The following AUTS2 variants were observed in gnomAD, a reference collection of about 807,000 sequenced individuals.
AUTS2 encodes autism susceptibility gene 2 protein.
Under a neutral mutation model 112.4 loss-of-function variants are expected in AUTS2, and 17 were observed. The observed-to-expected ratio is 0.15, with a 90% confidence interval of 0.10 to 0.23. The LOEUF (loss-of-function observed/expected upper bound fraction) is 0.23, where lower values mean the gene tolerates loss of function less well. Among genes scored for constraint, AUTS2 ranks in the 10% least tolerant of loss-of-function variants. AUTS2 has a pLI of 1.00. For missense variants in AUTS2, 1,510 were observed against 1,701.6 expected (o/e 0.89, Z 1.98); for synonymous variants, 751 against 702.7 (o/e 1.07, Z -1.09).
In AUTS2 at chr7:70,118,112, C is replaced by T. The variant is rs575131675; in HGVS notation, c.523-20C>T. On this transcript the variant is annotated intron_variant, in intron 2 of 18. Transcript: ENST00000342771. ...CAGACCACTAACTTTTTCCTTTTTT[C>T]TCTTTTCTTTTGCCTTTAGCTCAAG... 253 of 1,571,622 alleles carry T rather than the reference C, an allele frequency of 1.6e-4. 1 individual carries two copies. Among genetic ancestry groups the T allele is most frequent in the Middle Eastern group, 1.2e-3 (7 of 5,814 alleles).
At chr7:70,568,056 A>G (rs1195669323) in intron 5 of AUTS2, among the ~76,000 whole-genome samples, 1 of 152,232 alleles carries the variant, frequency 6.6e-6, no homozygotes, top group Non-Finnish European at 1.5e-5. Flanking sequence ...TGTTGCAGAA[A>G]GAGTTTATTC....
chr7:70,361,719 C>T (rs895307954), intron 4 of AUTS2, among the ~76,000 whole-genome samples: 3 of 152,090 alleles, frequency 2.0e-5, no homozygotes, highest in Non-Finnish European at 4.4e-5. Context: ...TTGAATTGAG[C>T]CAATTCAGGG....
At chr7:70,714,433 A>G (rs1810241360) in intron 6 of AUTS2, among the ~76,000 whole-genome samples, 1 of 152,216 alleles carries the variant, frequency 6.6e-6, no homozygotes, top group Non-Finnish European at 1.5e-5. Flanking sequence ...ATTTCTTACA[A>G]AATCACATGT....
intron 5 of AUTS2, among the ~76,000 whole-genome samples, chr7:70,672,605 T>A (rs1471364893): frequency 6.8e-6 from 1 of 147,900 alleles, no homozygotes; most frequent in African/African-American, 2.6e-5. Context: ...TTTCTTTTTC[T>A]TTTTTTTTCT....
At chr7:70,395,229 T>C (rs1186276906) in intron 4 of AUTS2, among the ~76,000 whole-genome samples, 2 of 151,780 alleles carry the variant, frequency 1.3e-5, no homozygotes, top group African/African-American at 4.8e-5. Flanking sequence ...AGAACCATAG[T>C]GTTCCCCTAA....
At chr7:69,797,757 AAAAG>A (rs1789910277) in intron 1 of AUTS2, among the ~76,000 whole-genome samples, 1 of 149,842 alleles carries the variant, frequency 6.7e-6, no homozygotes, top group African/African-American at 2.4e-5. Flanking sequence ...AGATTTTAAA[AAAAG>A]AAACAGGGAG....
intron 1 of AUTS2, among the ~76,000 whole-genome samples, chr7:69,627,975 A>C (rs1794037542): frequency 6.6e-6 from 1 of 152,106 alleles, no homozygotes; most frequent in Admixed American, 6.5e-5. Context: ...CTTAGGGGAG[A>C]TTGCATTTGA....
chr7:70,220,667 G>T (rs1035515085), intron 4 of AUTS2, among the ~76,000 whole-genome samples: 1 of 152,198 alleles, frequency 6.6e-6, no homozygotes, highest in African/African-American at 2.4e-5. Flanking sequence ...ATATCAGCTG[G>T]ATCCTGAAGA....
intron 1 of AUTS2, among the ~76,000 whole-genome samples, chr7:69,691,790 A>G (rs1797357931): frequency 6.6e-6 from 1 of 152,104 alleles, no homozygotes; most frequent in Non-Finnish European, 1.5e-5. Context: ...CTGCTGCAGC[A>G]TGGGCCGCTG....
At chr7:69,685,217 G>A (rs1797008223) in intron 1 of AUTS2, among the ~76,000 whole-genome samples, 1 of 152,162 alleles carries the variant, frequency 6.6e-6, no homozygotes. Flanking sequence ...CTTGCTGGAG[G>A]CTTCCTCACC....
intron 1 of AUTS2, among the ~76,000 whole-genome samples, chr7:69,773,001 G>C (rs1466307853): frequency 6.6e-6 from 1 of 152,130 alleles, no homozygotes; most frequent in African/African-American, 2.4e-5. Flanking sequence ...GCTTTGCATT[G>C]TATAAAAGAG....
intron 1 of AUTS2, among the ~76,000 whole-genome samples, chr7:69,668,822 T>G (rs1454791988): frequency 6.6e-6 from 1 of 152,186 alleles, no homozygotes; most frequent in Non-Finnish European, 1.5e-5. Context: ...CTACTAAAAG[T>G]GAATTACTGT....
At chr7:69,853,442 A>G (rs1016510980) in intron 1 of AUTS2, among the ~76,000 whole-genome samples, 6 of 151,332 alleles carry the variant, frequency 4.0e-5, no homozygotes, top group African/African-American at 1.5e-4. Context: ...TCATGTAGGT[A>G]CTCCTGTTTT....
At chr7:70,076,025 A>G (rs1292987089) in intron 2 of AUTS2, among the ~76,000 whole-genome samples, 1 of 152,186 alleles carries the variant, frequency 6.6e-6, no homozygotes, top group Admixed American at 6.5e-5. Flanking sequence ...ATGGATGTGG[A>G]TGTGTTCTAA....
intron 1 of AUTS2, among the ~76,000 whole-genome samples, chr7:69,863,727 G>T (rs1793092920): frequency 6.6e-6 from 1 of 152,220 alleles, no homozygotes; most frequent in Non-Finnish European, 1.5e-5. Flanking sequence ...AGCCACAGCT[G>T]GATTGAGTTA....
At chr7:70,244,387 G>C (rs1812791510) in intron 4 of AUTS2, among the ~76,000 whole-genome samples, 1 of 152,186 alleles carries the variant, frequency 6.6e-6, no homozygotes, top group South Asian at 2.1e-4. Context: ...GATAATGCCA[G>C]CCAGGACATA....
At chr7:70,494,259 T>G (rs912200885) in intron 5 of AUTS2, among the ~76,000 whole-genome samples, 1 of 152,200 alleles carries the variant, frequency 6.6e-6, no homozygotes, top group Non-Finnish European at 1.5e-5. Flanking sequence ...TCTACTAATC[T>G]TTCCCTTCAG....
intron 2 of AUTS2, among the ~76,000 whole-genome samples, chr7:69,906,630 C>A (rs1795159669): frequency 6.6e-6 from 1 of 152,160 alleles, no homozygotes; most frequent in Non-Finnish European, 1.5e-5. Flanking sequence ...TGTGGGTGGG[C>A]TTTAAGACAG....
At position 69,927,525 on chromosome 7, in the gene AUTS2, C is replaced by T. The variant is rs994843916; in HGVS notation, c.522+28027C>T. On this transcript the variant is annotated intron_variant, in intron 2 of 18. Transcript: ENST00000342771. ...GTCAGCCAGAAACCTCTGTGGCCAG[C>T]GTTGCCTCTGCTTCAGTTTTTCTCA... is the stretch of plus-strand genomic sequence containing the variant. Among the ~76,000 whole-genome samples the T allele has an allele frequency of 3.9e-5, 6 of 152,168 alleles. No homozygotes were observed. The East Asian group carries it at 7.7e-4, about 20-fold the overall frequency.
Sources: allele counts gnomAD v4.1 joint callset (sites outside exome capture counted in the v4.1 genomes callset), GRCh38; gene constraint gnomAD v4.1.1; transcripts MANE v1.5; gene names NCBI Gene and HGNC (gene_info 2026-07-23, HGNC 2026-07-21).